PRKACB: variants seen among roughly 807,000 people sequenced by gnomAD.
PRKACB encodes cAMP-dependent protein kinase catalytic subunit beta.
A neutral mutation model predicts 51.4 loss-of-function variants in PRKACB; 16 were observed. That is an observed-to-expected ratio of 0.31 (90% CI 0.21 to 0.47). The LOEUF (loss-of-function observed/expected upper bound fraction) is 0.47. PRKACB is among the 20% of genes least tolerant of loss of function. The probability of loss-of-function intolerance (pLI) is 1.00; values close to 1 mark genes in which losing one functional copy is unlikely to be tolerated. For missense variants in PRKACB, 309 were observed against 464.5 expected (o/e 0.67, Z 3.08); for synonymous variants, 147 against 154.4 (o/e 0.95, Z 0.35).
At chr1:84,169,322 A>T (rs975549162) in intron 1 of PRKACB, among the ~76,000 whole-genome samples, 2 of 151,670 alleles carry the variant, frequency 1.3e-5, no homozygotes, top group Non-Finnish European at 3.0e-5. Context: ...GAACTAAGAC[A>T]TGAAACAAAG....
chr1:84,185,059 C>A, intron 4 of PRKACB, 41 bp from the exon 5 acceptor site: 1 of 1,210,668 alleles, frequency 8.3e-7, no homozygotes, highest in South Asian at 1.5e-5. Flanking sequence ...ATAATTTTGA[C>A]CTAAGTTGAA....
chr1:84,197,798 T>C lies in PRKACB; in HGVS notation c.757T>C (p.Leu253=), dbSNP rs762801086. ...GACATTATGTGGAACTCCAGAGTAT[T>C]TGGCTCCAGAAATAATTCTCAGCAA... ...TWTLCGTPEY[L]APEIILSKGY... The change falls in exon 7 of 10, where the codon TTG becomes CTG. Residue 253 remains leucine (L), a synonymous_variant. Coordinates refer to ENST00000370685, the MANE Select transcript of PRKACB (RefSeq NM_182948.4). The C allele has an allele frequency of 5.0e-6, 8 of 1,610,858 alleles. No homozygotes were observed. The highest frequency in any genetic ancestry group is 5.1e-6 in the Non-Finnish European group (6 of 1,177,768).
At chr1:84,180,560 A>G (rs1663086705) in intron 2 of PRKACB, among the ~76,000 whole-genome samples, 1 of 151,856 alleles carries the variant, frequency 6.6e-6, no homozygotes, top group African/African-American at 2.4e-5. Context: ...TACCCCAATA[A>G]CTTATGGAAA....
At chr1:84,121,952 G>C (rs964172356) in intron 1 of PRKACB, among the ~76,000 whole-genome samples, 12 of 152,012 alleles carry the variant, frequency 7.9e-5, no homozygotes, top group African/African-American at 2.7e-4. Flanking sequence ...GAGCAGAGGT[G>C]GTTTTATCTA....
At chr1:84,189,457 GAA>G (rs553468620) in intron 5 of PRKACB, among the ~76,000 whole-genome samples, 1 of 125,946 alleles carries the variant, frequency 7.9e-6, no homozygotes, top group Non-Finnish European at 1.7e-5. Context: ...AGTTCAAACT[GAA>G]AAAAAAAAAA....
intron 1 of PRKACB, among the ~76,000 whole-genome samples, chr1:84,168,964 T>G (rs1176386123): frequency 6.6e-6 from 1 of 151,586 alleles, no homozygotes; most frequent in African/African-American, 2.4e-5. Context: ...GGTCACTGGA[T>G]TACTTACCTG....
intron 1 of PRKACB, among the ~76,000 whole-genome samples, chr1:84,136,419 T>C (rs1316591120): frequency 6.6e-6 from 1 of 151,522 alleles, no homozygotes; most frequent in Non-Finnish European, 1.5e-5. Flanking sequence ...GAAAAGATAT[T>C]CAATATTATT....
At chr1:84,205,255 G>C in intron 8 of PRKACB, 2 of 984,404 alleles carry the variant, frequency 2.0e-6, no homozygotes, top group Non-Finnish European at 2.4e-6. Flanking sequence ...AAGTTAGATT[G>C]TATTAACCAT....
At chr1:84,148,282 C>G (rs964298142) in intron 1 of PRKACB, among the ~76,000 whole-genome samples, 1 of 152,074 alleles carries the variant, frequency 6.6e-6, no homozygotes, top group African/African-American at 2.4e-5. Flanking sequence ...TTCATCTATC[C>G]TTCATCCTTC....
At chr1:84,222,413 A>G (rs150015867) in intron 9 of PRKACB, among the ~76,000 whole-genome samples, 3 of 152,274 alleles carry the variant, frequency 2.0e-5, no homozygotes, top group Non-Finnish European at 2.9e-5. Context: ...TGATTTATTT[A>G]CATTTAAAGT....
At chr1:84,095,973 G>A (rs547862158) in intron 1 of PRKACB, among the ~76,000 whole-genome samples, 10 of 151,798 alleles carry the variant, frequency 6.6e-5, no homozygotes, top group African/African-American at 2.4e-4. Flanking sequence ...CTTATTTTTG[G>A]TTATTTGGTC....
intron 1 of PRKACB, among the ~76,000 whole-genome samples, chr1:84,101,761 G>A (rs576596407): frequency 1.3e-5 from 2 of 152,242 alleles, no homozygotes; most frequent in East Asian, 3.9e-4. Flanking sequence ...TACATGGTGA[G>A]GATACAGTAT....
intron 1 of PRKACB, among the ~76,000 whole-genome samples, chr1:84,175,965 G>A (rs1225386515): frequency 6.6e-6 from 1 of 151,572 alleles, no homozygotes; most frequent in East Asian, 1.9e-4. Context: ...TACCAGTAGA[G>A]AATAAAATGT....
chr1:84,233,128 A>G (rs912669249), intron 9 of PRKACB, among the ~76,000 whole-genome samples: 3 of 151,638 alleles, frequency 2.0e-5, no homozygotes, highest in Non-Finnish European at 2.9e-5. Context: ...AAGTCTCTCA[A>G]CATTTGCTTG....
chr1:84,190,477 T>A (rs1666433265), intron 5 of PRKACB, among the ~76,000 whole-genome samples: 1 of 150,560 alleles, frequency 6.6e-6, no homozygotes, highest in African/African-American at 2.4e-5. Flanking sequence ...TAATATCAAA[T>A]GTTTACCTAA....
At chr1:84,231,179 T>C (rs1675584336) in intron 9 of PRKACB, among the ~76,000 whole-genome samples, 1 of 152,176 alleles carries the variant, frequency 6.6e-6, no homozygotes, top group African/African-American at 2.4e-5. Context: ...ATTGAGATAA[T>C]CATGTGGTTT....
chr1:84,091,528 G>T (rs1648467801), intron 1 of PRKACB, among the ~76,000 whole-genome samples: 2 of 151,962 alleles, frequency 1.3e-5, no homozygotes, highest in Admixed American at 1.3e-4. Context: ...TTTTGAGACA[G>T]GGTCTTGCTG....
intron 1 of PRKACB, chr1:84,175,750 T>C: frequency 6.6e-7 from 1 of 1,519,218 alleles, no homozygotes; most frequent in Non-Finnish European, 8.8e-7. Context: ...TTTTCATCTC[T>C]TGAATGTGGG....
chr1:84,128,914 G>C (rs1223590935), intron 1 of PRKACB, among the ~76,000 whole-genome samples: 1 of 152,094 alleles, frequency 6.6e-6, no homozygotes, highest in African/African-American at 2.4e-5. Context: ...TGAAATCATG[G>C]CTCATGTGAC....
Sources: gnomAD v4.1 joint callset for allele counts (sites outside exome capture counted in the v4.1 genomes callset) on GRCh38, gnomAD v4.1.1 for gene constraint, MANE v1.5 for transcripts, NCBI Gene and HGNC (gene_info 2026-07-23, HGNC 2026-07-21) for gene names.